Variants in PCDHGA8 observed in about 807,000 individuals in gnomAD.
PCDHGA8 encodes protocadherin gamma-A8.
Under a neutral mutation model 59.2 loss-of-function variants are expected in PCDHGA8, and 45 were observed. The ratio of observed to expected loss-of-function variants is 0.76; its 90% CI spans 0.60 to 0.98. PCDHGA8 has a LOEUF of 0.98. PCDHGA8 is among the 50% of genes least tolerant of loss of function. The pLI is 0.00. For missense variants in PCDHGA8, 1,257 were observed against 1,196.2 expected, an observed-to-expected ratio of 1.05 and a Z score of -0.75; for synonymous variants, 531 against 519.0, an observed-to-expected ratio of 1.02 and a Z score of -0.32.
At position 141,393,335 on chromosome 5, in the gene PCDHGA8, C is replaced by T. The variant is rs764386599; in HGVS notation, c.522C>T (p.Pro174=). ...VNSLQSYQLS[P]NHHFSLDVQT... ...CCCTCCAGAGCTACCAGCTCAGCCCCAATCACCACTTCTCCCTGGACGTGC... is the reference window on the plus strand; with the variant it reads ...CCCTCCAGAGCTACCAGCTCAGCCCTAATCACCACTTCTCCCTGGACGTGC... The change falls in exon 1 of 4, where the codon CCC becomes CCT. Residue 174 remains proline (P), a synonymous_variant. Coordinates refer to ENST00000398604, the MANE Select transcript of PCDHGA8 (RefSeq NM_032088.2). The T allele has an allele frequency of 6.2e-7, 1 of 1,613,458 alleles. No individual in the cohort carries two copies. Among genetic ancestry groups the T allele is most frequent in the South Asian group, 1.1e-5 (1 of 91,046 alleles).
chr5:141,394,961 G>A lies in PCDHGA8; in HGVS notation c.2148G>A (p.Leu716=). The change falls in exon 1 of 4, where the codon CTG becomes CTA. Residue 716 remains leucine, a synonymous_variant. Transcript: ENST00000398604. ...AFVAVLLGLR[L]RRWHKSRLLQ... The stretch of plus-strand genomic sequence containing the variant: ...TCGCTGTGCTTCTGGGGCTCAGGCT[G>A]AGGCGCTGGCACAAGTCACGCCTGC... 6.2e-7 allele frequency: 1 copy of A among 1,613,920 alleles called. No homozygotes were observed. Among genetic ancestry groups the A allele is most frequent in the Non-Finnish European group, 8.5e-7 (1 of 1,179,868 alleles).
intron 3 of PCDHGA8, among the ~76,000 whole-genome samples, chr5:141,510,089 C>G (rs2099879446): frequency 6.6e-6 from 1 of 152,136 alleles, no homozygotes; most frequent in African/African-American, 2.4e-5. Flanking sequence ...GCCTGGCACA[C>G]AGTAGGTGCT....
chr5:141,399,043 G>T lies in PCDHGA8; in HGVS notation c.2424+3806G>T, dbSNP rs545668357. The T allele has an allele frequency of 3.0e-5, 48 of 1,613,890 alleles. No homozygotes were observed. The South Asian group carries it at 4.9e-4, about 17-fold the overall frequency. ...TACCACTCAAAAGAAACTGGATTTTGAAGAGACCAAGGAATATTCAATGGT... is the reference window on the plus strand; with the variant it reads ...TACCACTCAAAAGAAACTGGATTTTTAAGAGACCAAGGAATATTCAATGGT... On this transcript the variant is annotated intron_variant, in intron 1 of 3. Transcript: ENST00000398604.
At position 141,495,662 on chromosome 5, in the gene PCDHGA8, C is replaced by T. The variant is rs545912968; in HGVS notation, c.2483+797C>T. The stretch of plus-strand genomic sequence containing the variant: ...TTTGTCTACTTGCATTGATCTGTGC[C>T]GCCCACTGTGCCTGCCATGGCATAA... On this transcript the variant is annotated intron_variant, in intron 2 of 3. Coordinates refer to ENST00000398604, the MANE Select transcript of PCDHGA8 (RefSeq NM_032088.2). Among the ~76,000 whole-genome samples, 8 of 152,256 alleles carry T rather than the reference C, an allele frequency of 5.3e-5. No individual in the cohort carries two copies. In the South Asian group the frequency reaches 6.2e-4, roughly 12 times the overall value.
At position 141,489,244 on chromosome 5, in the gene PCDHGA8, G is replaced by C. The variant is rs145484133; in HGVS notation, c.2425-5563G>C. The C allele has an allele frequency of 3.3e-6, 5 of 1,534,936 alleles. No homozygotes were observed. Among genetic ancestry groups the C allele is most frequent in the African/African-American group, 1.4e-5 (1 of 72,374 alleles). On this transcript the variant is annotated intron_variant, in intron 1 of 3. Transcript: ENST00000398604. This position sits in a 1 kb window ranked among gnomAD's most constrained non-coding sequence, Gnocchi z 4.5. ...TCCACAAAGGGACTTCTGGGTCATGGGGCCCAAGACACTCCCACAGCTCGC... is the reference window on the plus strand; with the variant it reads ...TCCACAAAGGGACTTCTGGGTCATGCGGCCCAAGACACTCCCACAGCTCGC...
At chr5:141,398,362 G>T (rs1422597239) in intron 1 of PCDHGA8, 5 of 1,413,346 alleles carry the variant, frequency 3.5e-6, no homozygotes, top group Admixed American at 1.9e-5. Context: ...CACCGTGAGC[G>T]CAGAGAGCGG....
In PCDHGA8 at chr5:141,430,937, G is replaced by C. The variant is rs888990395; in HGVS notation, c.2424+35700G>C. ...CCTGGGGCTGGAGCCCCGGGAGCTC[G>C]CGGAGCGCGGAGTCCGCATCATCCC... On this transcript the variant is annotated intron_variant, in intron 1 of 3. Coordinates refer to ENST00000398604, the MANE Select transcript of PCDHGA8 (RefSeq NM_032088.2). The C allele has an allele frequency of 8.7e-6, 14 of 1,607,498 alleles. No individual in the cohort carries two copies. The highest frequency in any genetic ancestry group is 1.7e-5 in the Admixed American group (1 of 58,732).
intron 2 of PCDHGA8, among the ~76,000 whole-genome samples, chr5:141,498,436 A>G (rs566463876): frequency 6.6e-6 from 1 of 152,268 alleles, no homozygotes; most frequent in East Asian, 1.9e-4. Flanking sequence ...GGGGATGAAG[A>G]GGAGAGGTTC....
intron 2 of PCDHGA8, among the ~76,000 whole-genome samples, chr5:141,499,800 C>A (rs2099794584): frequency 6.6e-6 from 1 of 150,704 alleles, no homozygotes; most frequent in Admixed American, 6.7e-5. Context: ...AATTCTCATG[C>A]TTCAGCCTCC....
rs370503146 is a variant in PCDHGA8 at position 141,511,012 on chromosome 5, G to A, written c.2638G>A (p.Gly880Arg). 11 of 1,614,060 alleles carry A rather than the reference G, an allele frequency of 6.8e-6. No individual in the cohort carries two copies. Among genetic ancestry groups the A allele is most frequent in the Middle Eastern group, 1.6e-4 (1 of 6,084 alleles). ...AGTMGLSARYGPQFTLQHVPD... is the reference protein window; with the variant it reads ...AGTMGLSARYRPQFTLQHVPD... The stretch of plus-strand genomic sequence containing the variant: ...CACCATGGGATTGAGCGCCCGCTAC[G>A]GACCCCAGTTCACCCTGCAGCACGT... The change falls in exon 4 of 4, where the codon GGA (glycine) becomes AGA (arginine). Residue 880 changes from glycine (G) to arginine (R), a missense_variant. Transcript: ENST00000398604.
At position 141,511,246 on chromosome 5, in the gene PCDHGA8, G is replaced by A; in HGVS notation, c.*73G>A. 2 of 1,578,734 alleles carry A rather than the reference G, an allele frequency of 1.3e-6. No homozygotes were observed. Among genetic ancestry groups the A allele is most frequent in the Non-Finnish European group, 1.7e-6 (2 of 1,162,472 alleles). On this transcript the variant is annotated 3_prime_UTR_variant, in exon 4 of 4. Coordinates refer to ENST00000398604, the MANE Select transcript of PCDHGA8 (RefSeq NM_032088.2). The stretch of plus-strand genomic sequence containing the variant: ...CCAGCTTCTCCTTACCTGCACCCAG[G>A]CCTCAGAGTTTCAGGGCTAACCCCC...
intron 1 of PCDHGA8, among the ~76,000 whole-genome samples, chr5:141,438,647 CACACAT>C (rs1324641788): frequency 3.8e-5 from 4 of 106,486 alleles, no homozygotes; most frequent in South Asian, 2.8e-4. Flanking sequence ...CACACACACA[CACACAT>C]ATATGTATAT....
chr5:141,502,518 T>C (rs1388007900), intron 2 of PCDHGA8, among the ~76,000 whole-genome samples: 1 of 152,184 alleles, frequency 6.6e-6, no homozygotes, highest in Non-Finnish European at 1.5e-5. Flanking sequence ...CCACTATCAG[T>C]GATGCCGAGT....
intron 1 of PCDHGA8, chr5:141,421,488 G>C: frequency 3.1e-6 from 5 of 1,614,100 alleles, no homozygotes; most frequent in Non-Finnish European, 4.2e-6. Flanking sequence ...GCTTGATCAC[G>C]GCAGGCAGGA....
At chr5:141,421,316 G>A in intron 1 of PCDHGA8, 1 of 1,613,866 alleles carries the variant, frequency 6.2e-7, no homozygotes, top group Non-Finnish European at 8.5e-7. Flanking sequence ...TTCCGGGCCA[G>A]GCAGATCCGA....
intron 1 of PCDHGA8, chr5:141,422,576 CTCCCGTTTT>C: frequency 6.2e-7 from 1 of 1,614,034 alleles, no homozygotes; most frequent in African/African-American, 1.3e-5. Context: ...AACGATAACC[CTCCCGTTTT>C]TCCTCACTCC....
chr5:141,499,635 A>C (rs578081078), intron 2 of PCDHGA8, among the ~76,000 whole-genome samples: 16 of 152,136 alleles, frequency 1.1e-4, no homozygotes, highest in African/African-American at 3.6e-4. Context: ...CTTTTGAAGC[A>C]AATCTCAGAC....
chr5:141,419,084 GC>G (rs1218012099), intron 1 of PCDHGA8: 1 of 1,613,802 alleles, frequency 6.2e-7, no homozygotes, highest in African/African-American at 1.3e-5. Flanking sequence ...AACAGATGAG[GC>G]CCTGGATCGG....
chr5:141,444,082 A>G (rs942113441), intron 1 of PCDHGA8, among the ~76,000 whole-genome samples: 2 of 151,044 alleles, frequency 1.3e-5, no homozygotes, highest in African/African-American at 2.4e-5. Flanking sequence ...TCACCTGAAA[A>G]GTCTGCTAAG....
Sources: allele counts gnomAD v4.1 joint callset (sites outside exome capture counted in the v4.1 genomes callset), GRCh38; gene constraint gnomAD v4.1.1; non-coding constraint Gnocchi (gnomAD v3.1); transcripts MANE v1.5; gene names NCBI Gene and HGNC (gene_info 2026-07-23, HGNC 2026-07-21).